The following RGPD1 variants were observed in gnomAD, a reference collection of about 807,000 sequenced individuals.
RGPD1 encodes the protein RANBP2 like and GRIP domain containing 1, also known as RANBP2-like and GRIP domain-containing protein 1.
A neutral mutation model predicts 40.6 loss-of-function variants in RGPD1; 7 were observed. The observed-to-expected ratio is 0.17, with a 90% CI of 0.10 to 0.32. The LOEUF (loss-of-function observed/expected upper bound fraction) is 0.32, where lower values mean the gene tolerates loss of function less well. Among genes scored for constraint, RGPD1 ranks in the 10% least tolerant of loss-of-function variants. The pLI is 1.00. For missense variants in RGPD1, 50 were observed against 472.5 expected (o/e 0.11, Z 8.29); for synonymous variants, 24 against 167.0 (o/e 0.14, Z 6.60).
chr2:86,914,332 GGGCGGCGGCGGC>G (rs1247052388), intron 1 of RGPD1, among the ~76,000 whole-genome samples: 3 of 11,016 alleles, frequency 2.7e-4, no homozygotes, highest in African/African-American at 1.9e-3. Flanking sequence ...CGGCCTGGCC[GGGCGGCGGCGGC>G]GGCGGCGGCG....
At chr2:87,000,353 G>T (rs954768085) in intron 22 of RGPD1, among the ~76,000 whole-genome samples, 12 of 119,032 alleles carry the variant, frequency 1.0e-4, no homozygotes, top group Admixed American at 8.6e-4. Context: ...TAACGTCCAG[G>T]TGGCTCCTAT....
At chr2:86,918,453 C>CTTA in intron 1 of RGPD1, among the ~76,000 whole-genome samples, 2 of 78,110 alleles carry the variant, frequency 2.6e-5, no homozygotes, top group Admixed American at 1.5e-4. Flanking sequence ...CACACCAAAT[C>CTTA]TTTTTTTTTT....
Position 86,971,181 on chromosome 2 carries a change from C to T in RGPD1, c.1064-566C>T, listed in dbSNP as rs1479386224. Among the ~76,000 whole-genome samples the T allele has an allele frequency of 5.8e-5, 3 of 52,010 alleles. 1 individual carries two copies. The highest frequency in any genetic ancestry group is 3.2e-4 in the African/African-American group (2 of 6,316). 34.1% of individuals were successfully genotyped at this position (52,010 alleles called of 152,430 possible). A position where few individuals can be genotyped will look rare whatever the true frequency, so the allele number is the denominator to read the frequency against. ...TCCCCAGTAGCTGGGACTACAGGCG[C>T]CCGCCACCAGGGCCGGCTAATTTTT... On this transcript the variant is annotated intron_variant, in intron 8 of 22. Transcript: ENST00000641458.
chr2:86,959,900 AT>A (rs1228415791), intron 6 of RGPD1, among the ~76,000 whole-genome samples: 24 of 6,714 alleles, frequency 3.6e-3, no homozygotes, highest in African/African-American at 4.8e-3. Context: ...CACCTGGCTA[AT>A]TTTTTTTTTT....
chr2:86,940,710 C>A (rs532330443), upstream of RGPD1, among the ~76,000 whole-genome samples: 194 of 152,294 alleles, frequency 1.3e-3, no homozygotes, highest in Middle Eastern at 6.8e-3. Context: ...ATGTTCCCCC[C>A]TCTGCCTTTG....
intron 1 of RGPD1, among the ~76,000 whole-genome samples, chr2:86,920,045 T>TG (rs1246370423): frequency 6.6e-6 from 1 of 152,050 alleles, no homozygotes; most frequent in Non-Finnish European, 1.5e-5. Flanking sequence ...AAAAATCTTA[T>TG]GGGAAAATAG....
chr2:86,974,419 TTA>T lies in RGPD1; in HGVS notation c.1539_1540del (p.Cys514ProfsTer7). The T allele has an allele frequency of 6.0e-6, 3 of 498,350 alleles. No homozygotes were observed. Among genetic ancestry groups the T allele is most frequent in the Non-Finnish European group, 9.3e-6 (3 of 323,506 alleles). 30.9% of individuals were successfully genotyped at this position (498,350 alleles called of 1,614,324 possible). On this transcript the variant is annotated frameshift_variant, in exon 11 of 23. Transcript: ENST00000641458. LOFTEE classifies it high-confidence loss of function. ...CNSHHSSYQP[L>X]CLPLPVCKRL... ...TTCTCACCACAGCTCCTATCAGCCG[TTA>T]TGCCTGCCCCTTCCTGTGTGTAAAC...
upstream of RGPD1, among the ~76,000 whole-genome samples, chr2:86,940,304 ATTC>A (rs1403194558): frequency 2.4e-5 from 2 of 82,054 alleles, 1 homozygote; most frequent in Non-Finnish European, 4.3e-5. Context: ...AAATATTATT[ATTC>A]TTATTATTTG....
intron 22 of RGPD1, among the ~76,000 whole-genome samples, chr2:86,998,570 A>T (rs1465405887): frequency 4.8e-4 from 35 of 72,394 alleles, no homozygotes; most frequent in Admixed American, 8.9e-4. Flanking sequence ...AAAAACTATG[A>T]TGTAGTTAGA....
Position 86,923,274 on chromosome 2 carries a change from A to G in RGPD1, c.72+9353A>G, listed in dbSNP as rs541507401. ...GGCTGGTCTCCAACTCATGACCTCA[A>G]GTGACCTTCCTGACCTTGGTGTCCC... On this transcript the variant is annotated intron_variant, in intron 1 of 22. Transcript: ENST00000398193. 6.6e-5 allele frequency among the ~76,000 whole-genome samples: 10 copies of G among 151,658 alleles called. No individual in the cohort carries two copies. In the East Asian group the frequency reaches 1.6e-3, roughly 24 times the overall value.
At chr2:86,928,491 G>A (rs1349199704) in intron 1 of RGPD1, among the ~76,000 whole-genome samples, 1 of 152,062 alleles carries the variant, frequency 6.6e-6, no homozygotes, top group Non-Finnish European at 1.5e-5. Context: ...TATGGTAAAT[G>A]AGTAGTATGG....
chr2:86,943,857 A>G (rs1680114959), intron 1 of RGPD1, among the ~76,000 whole-genome samples: 1 of 152,026 alleles, frequency 6.6e-6, no homozygotes, highest in Admixed American at 6.5e-5. Context: ...CTAAAAATAG[A>G]AAAAAAGTTA....
At chr2:86,915,088 T>C (rs1573558417) in intron 1 of RGPD1, among the ~76,000 whole-genome samples, 1 of 150,012 alleles carries the variant, frequency 6.7e-6, no homozygotes, top group Non-Finnish European at 1.5e-5. Flanking sequence ...TTGAGGTCGG[T>C]CGTTCGAGAC....
At chr2:86,929,856 C>T (rs1678790924) in intron 1 of RGPD1, among the ~76,000 whole-genome samples, 1 of 144,106 alleles carries the variant, frequency 6.9e-6, no homozygotes, top group African/African-American at 2.5e-5. Flanking sequence ...CAGGGAGGGG[C>T]CAAAAGGAAC....
chr2:86,931,073 A>C (rs1275675679), intron 1 of RGPD1, among the ~76,000 whole-genome samples: 2 of 116,692 alleles, frequency 1.7e-5, no homozygotes, highest in African/African-American at 6.9e-5. Context: ...ATGAGATAAC[A>C]ACAAGGGAGT....
At chr2:86,930,575 C>G (rs1678866586) in intron 1 of RGPD1, 1 of 1,610,802 alleles carries the variant, frequency 6.2e-7, no homozygotes, top group African/African-American at 1.3e-5. Context: ...TCCAGAGCAG[C>G]CAGAACCACC....
intron 1 of RGPD1, among the ~76,000 whole-genome samples, chr2:86,914,378 GGGC>G (rs1216392183): frequency 5.2e-4 from 4 of 7,736 alleles, no homozygotes; most frequent in Non-Finnish European, 2.1e-4. Flanking sequence ...CGACCTGGCC[GGGC>G]GGCGGCGGCG....
chr2:86,919,436 C>T (rs1056187479), intron 1 of RGPD1, among the ~76,000 whole-genome samples: 1 of 143,052 alleles, frequency 7.0e-6, no homozygotes, highest in Non-Finnish European at 1.5e-5. Context: ...CAGTGACTTC[C>T]CATGTCACTC....
At chr2:86,951,873 G>GTTTTTTTT (rs71269535) in intron 2 of RGPD1, among the ~76,000 whole-genome samples, 21 of 50,952 alleles carry the variant, frequency 4.1e-4, no homozygotes, top group African/African-American at 2.7e-3. Flanking sequence ...GGGAGGCAGG[G>GTTTTTTTT]TTTTTTTTTT....
Sources: gnomAD v4.1 joint callset for allele counts (sites outside exome capture counted in the v4.1 genomes callset) on GRCh38, gnomAD v4.1.1 for gene constraint, MANE v1.5 for transcripts, NCBI Gene and HGNC (gene_info 2026-07-23, HGNC 2026-07-21) for gene names.